Variants in LRRC37A2 observed in about 807,000 individuals in gnomAD.
LRRC37A2 encodes leucine-rich repeat-containing protein 37A2.
In LRRC37A2, 9 loss-of-function variants were observed where a neutral mutation model predicts 68.8. The observed-to-expected ratio is 0.13, with a 90% confidence interval of 0.08 to 0.23. The LOEUF is 0.23. Ranked by LOEUF, LRRC37A2 falls within the 10% of genes least tolerant of loss-of-function variation. The pLI is 1.00. For missense variants in LRRC37A2, 168 were observed against 950.4 expected, an observed-to-expected ratio of 0.18 and a Z score of 10.82; for synonymous variants, 63 against 367.6, an observed-to-expected ratio of 0.17 and a Z score of 9.48.
chr17:46,954,418 A>ATGCTGT, the LRRC37A2 span, among the ~76,000 whole-genome samples: 1 of 152,214 alleles, frequency 6.6e-6, no homozygotes, highest in South Asian at 2.1e-4. Flanking sequence ...TACCAGTACC[A>ATGCTGT]TGCTGTTTTA....
chr17:46,750,758 A>G, the LRRC37A2 span, among the ~76,000 whole-genome samples: 2 of 152,164 alleles, frequency 1.3e-5, no homozygotes, highest in African/African-American at 4.8e-5. Flanking sequence ...TAATCACTGT[A>G]TAGAAAAATT....
the LRRC37A2 span, among the ~76,000 whole-genome samples, chr17:46,890,090 C>T: frequency 1.3e-5 from 2 of 152,202 alleles, no homozygotes; most frequent in African/African-American, 4.8e-5. Context: ...CTGCCTCATT[C>T]TTGGGTCTGC....
chr17:46,822,405 G>A, the LRRC37A2 span, among the ~76,000 whole-genome samples: 1 of 152,222 alleles, frequency 6.6e-6, no homozygotes, highest in Non-Finnish European at 1.5e-5. Context: ...GACCTGCACC[G>A]AGTAAGCGCA....
At chr17:47,027,430 C>A in the LRRC37A2 span, 1 of 551,036 alleles carries the variant, frequency 1.8e-6, no homozygotes, top group Non-Finnish European at 3.3e-6. Flanking sequence ...AGTTCAAATA[C>A]AAGTCCAAAC....
At chr17:46,755,830 A>C in the LRRC37A2 span, 291 of 1,611,806 alleles carry the variant, frequency 1.8e-4, no homozygotes, top group Non-Finnish European at 2.3e-4. Context: ...TTGAAAATGA[A>C]CTATTTGAAA....
chr17:46,752,259 A>G, the LRRC37A2 span, among the ~76,000 whole-genome samples: 1 of 152,108 alleles, frequency 6.6e-6, no homozygotes, highest in East Asian at 1.9e-4. Flanking sequence ...TCTCCTGGCA[A>G]CTTACCTTTC....
chr17:46,924,595 A>G, the LRRC37A2 span: 1 of 152,226 alleles, frequency 6.6e-6, no homozygotes. Flanking sequence ...GAGGGTGATG[A>G]TCCTCTTTCT....
At chr17:46,894,416 CAGA>C in the LRRC37A2 span, among the ~76,000 whole-genome samples, 1 of 152,198 alleles carries the variant, frequency 6.6e-6, no homozygotes, top group Non-Finnish European at 1.5e-5. Flanking sequence ...TAGGTTTACA[CAGA>C]AGGTCACTGG....
At chr17:46,971,764 C>T in the LRRC37A2 span, among the ~76,000 whole-genome samples, 251 of 152,346 alleles carry the variant, frequency 1.6e-3, 1 homozygote, top group African/African-American at 4.5e-3. Context: ...TTGTCTCTCA[C>T]GCCTCAAGCT....
the LRRC37A2 span, among the ~76,000 whole-genome samples, chr17:46,816,630 C>T: frequency 6.6e-6 from 1 of 152,118 alleles, no homozygotes; most frequent in Non-Finnish European, 1.5e-5. Flanking sequence ...GTTTCCCCAG[C>T]GTTTCTTCCT....
chr17:46,817,551 C>G, the LRRC37A2 span, among the ~76,000 whole-genome samples: 1 of 152,204 alleles, frequency 6.6e-6, no homozygotes, highest in South Asian at 2.1e-4. Flanking sequence ...GCGATGGGGC[C>G]GCTCGGAAAA....
the LRRC37A2 span, among the ~76,000 whole-genome samples, chr17:46,830,029 A>C: frequency 1.3e-5 from 2 of 152,180 alleles, no homozygotes; most frequent in African/African-American, 2.4e-5. Context: ...TGTTATTATC[A>C]TGAGACCAAA....
the LRRC37A2 span, among the ~76,000 whole-genome samples, chr17:46,734,408 G>A: frequency 2.0e-5 from 3 of 151,976 alleles, no homozygotes; most frequent in Non-Finnish European, 4.4e-5. Flanking sequence ...AAAAAAAAAT[G>A]ATGCTTGACA....
chr17:46,930,763 C>T, the LRRC37A2 span: 3 of 227,716 alleles, frequency 1.3e-5, no homozygotes, highest in Non-Finnish European at 2.6e-5. Flanking sequence ...GAAAAGAGAC[C>T]TATATCAGAA....
chr17:46,981,053 C>T, the LRRC37A2 span, among the ~76,000 whole-genome samples: 3 of 152,040 alleles, frequency 2.0e-5, no homozygotes, highest in Non-Finnish European at 4.4e-5. Flanking sequence ...AATTTGCATG[C>T]TTTGATTGTT....
the LRRC37A2 span, among the ~76,000 whole-genome samples, chr17:47,039,076 A>G: frequency 6.6e-6 from 1 of 151,088 alleles, no homozygotes; most frequent in Non-Finnish European, 1.5e-5. Flanking sequence ...CTCAGTTTTT[A>G]TTTATCTAGA....
At chr17:46,849,160 G>T in the LRRC37A2 span, among the ~76,000 whole-genome samples, 3 of 152,238 alleles carry the variant, frequency 2.0e-5, no homozygotes, top group Non-Finnish European at 2.9e-5. Flanking sequence ...CCACGCCATT[G>T]GCTGGCAAGG....
chr17:46,490,864 A>C, the LRRC37A2 span, among the ~76,000 whole-genome samples: 1 of 150,380 alleles, frequency 6.6e-6, no homozygotes, highest in Non-Finnish European at 1.5e-5. Flanking sequence ...ACATGTGTAC[A>C]TACATACATA....
At chr17:46,840,156 G>C in the LRRC37A2 span, among the ~76,000 whole-genome samples, 1 of 149,358 alleles carries the variant, frequency 6.7e-6, no homozygotes, top group Non-Finnish European at 1.5e-5. Flanking sequence ...GTGTGATCTC[G>C]GCTCACTGCA....
Sources: allele counts gnomAD v4.1 joint callset (sites outside exome capture counted in the v4.1 genomes callset), GRCh38; gene constraint gnomAD v4.1.1; transcripts MANE v1.5; gene names NCBI Gene and HGNC (gene_info 2026-07-23, HGNC 2026-07-21).